The following NUSAP1 variants were observed in gnomAD, a reference collection of about 807,000 sequenced individuals.
The protein encoded by NUSAP1 is nucleolar and spindle associated protein 1, also known as nucleolar and spindle-associated protein 1.
Under a neutral mutation model 52.8 loss-of-function variants are expected in NUSAP1, and 32 were observed. The ratio of observed to expected loss-of-function variants is 0.61; its 90% CI spans 0.46 to 0.81. The LOEUF is 0.81. Ranked by LOEUF, NUSAP1 falls within the 40% of genes least tolerant of loss-of-function variation. NUSAP1 has a pLI of 0.00. For missense variants in NUSAP1, 499 were observed against 522.3 expected (o/e 0.96, Z 0.43); for synonymous variants, 195 against 183.1 (o/e 1.06, Z -0.52).
intron 6 of NUSAP1, 137 bp downstream of exon 6, chr15:41,358,395 A>G (rs2049047319): frequency 1.8e-6 from 1 of 562,854 alleles, no homozygotes; most frequent in Non-Finnish European, 3.2e-6. Context: ...CTTTATCTAA[A>G]ACTTGCTTTC....
Position 41,365,269 on chromosome 15 carries a change from G to A in NUSAP1, c.661-133G>A, listed in dbSNP as rs565240183. Reference sequence around the variant, plus strand: ...CCTCCTGGGTTCAAGTGATTCTCCCGCCTCAGCCTCCTGAGTAGCTGGGAC... The same window carrying A: ...CCTCCTGGGTTCAAGTGATTCTCCCACCTCAGCCTCCTGAGTAGCTGGGAC... On this transcript the variant is annotated intron_variant, in intron 6 of 10. Transcript: ENST00000559596. 2.1e-4 allele frequency: 132 copies of A among 625,302 alleles called. 1 individual carries two copies. Among genetic ancestry groups the A allele is most frequent in the South Asian group, 2.0e-3 (83 of 41,166 alleles). The allele number at this position is 625,302 out of a possible 1,614,324, so 38.7% of individuals were successfully genotyped here. A position where few individuals can be genotyped will look rare whatever the true frequency, so the allele number is the denominator to read the frequency against.
intron 1 of NUSAP1, among the ~76,000 whole-genome samples, chr15:41,339,218 G>A (rs774064458): frequency 6.6e-6 from 1 of 152,110 alleles, no homozygotes; most frequent in African/African-American, 2.4e-5. Context: ...AGAGGATCAT[G>A]TGGGGAAATC....
At chr15:41,351,241 G>T (rs1019191352) in intron 4 of NUSAP1, 112 bp downstream of exon 4, 2 of 1,056,728 alleles carry the variant, frequency 1.9e-6, no homozygotes, top group Non-Finnish European at 2.7e-6. Flanking sequence ...CAACTGGGCA[G>T]CTTAGAACAA....
At chr15:41,375,270 C>T (rs952899632) in intron 8 of NUSAP1, among the ~76,000 whole-genome samples, 10 of 151,330 alleles carry the variant, frequency 6.6e-5, no homozygotes, top group Admixed American at 6.6e-5. Context: ...CTCCGCCTTC[C>T]GGGTTCAAGC....
intron 3 of NUSAP1, 25 bp downstream of exon 3, chr15:41,349,266 A>T: frequency 3.8e-6 from 6 of 1,597,758 alleles, no homozygotes; most frequent in Non-Finnish European, 5.1e-6. Context: ...ACAAACTGAA[A>T]ATAAACCACC....
chr15:41,379,634 T>C (rs1192052678), intron 10 of NUSAP1, among the ~76,000 whole-genome samples: 1 of 152,084 alleles, frequency 6.6e-6, no homozygotes, highest in East Asian at 1.9e-4. Context: ...AACCTCCGCC[T>C]CCCGGGTTCA....
At chr15:41,336,979 C>G (rs1325443389) in intron 1 of NUSAP1, among the ~76,000 whole-genome samples, 2 of 150,946 alleles carry the variant, frequency 1.3e-5, no homozygotes, top group Non-Finnish European at 2.9e-5. Context: ...CAAATCCCCC[C>G]CTTTTTTTCC....
chr15:41,333,858 G>GC, intron 1 of NUSAP1, among the ~76,000 whole-genome samples: 1 of 152,296 alleles, frequency 6.6e-6, no homozygotes, highest in East Asian at 1.9e-4. Context: ...GTGGCAGTGA[G>GC]CCAAGATCGC....
At position 41,358,153 on chromosome 15, in the gene NUSAP1, TAAG is replaced by T; in HGVS notation, c.559_561del (p.Lys187del). The stretch of plus-strand genomic sequence containing the variant: ...TTTTATATTGGAACATTCTAGACTT[TAAG>T]AAGCTTCATGAAGCTCATTTTAAGG... On this transcript the variant is annotated inframe_deletion, in exon 6 of 11. Transcript: ENST00000559596. The T allele has an allele frequency of 7.0e-7, 1 of 1,424,106 alleles. No individual in the cohort carries two copies. The highest frequency in any genetic ancestry group is 9.8e-7 in the Non-Finnish European group (1 of 1,023,968). The allele number at this position is 1,424,106 out of a possible 1,614,324, so 88.2% of individuals were successfully genotyped here.
intron 5 of NUSAP1, among the ~76,000 whole-genome samples, chr15:41,356,354 CTT>C (rs398026995): frequency 4.0e-5 from 5 of 124,640 alleles, no homozygotes; most frequent in Admixed American, 9.0e-5. Flanking sequence ...CTATTTCTTT[CTT>C]TTTTTTTTTT....
At chr15:41,342,334 A>T in intron 1 of NUSAP1, 52 bp from the exon 2 acceptor site, 1 of 1,228,252 alleles carries the variant, frequency 8.1e-7, no homozygotes, top group South Asian at 1.3e-5. Flanking sequence ...TATTCAACGT[A>T]TCTTCCTTGT....
chr15:41,370,749 C>CAA (rs60034914), intron 7 of NUSAP1, among the ~76,000 whole-genome samples: 46 of 70,666 alleles, frequency 6.5e-4, no homozygotes, highest in Non-Finnish European at 8.4e-4. Context: ...AACTCCATCT[C>CAA]AAAAAAAAAA....
At chr15:41,367,772 C>G (rs1219079691) in intron 7 of NUSAP1, among the ~76,000 whole-genome samples, 3 of 152,192 alleles carry the variant, frequency 2.0e-5, no homozygotes, top group African/African-American at 7.2e-5. Flanking sequence ...TTCTTCACAA[C>G]AGGAATCCCC....
In NUSAP1 at chr15:41,342,391, C is replaced by G; in HGVS notation, c.99C>G (p.Thr33=). The change falls in exon 2 of 11, where the codon ACC becomes ACG. Residue 33 remains threonine, a synonymous_variant. Coordinates refer to ENST00000559596, the MANE Select transcript of NUSAP1 (RefSeq NM_016359.5). The part of the protein sequence containing the change: ...SLGLRANLRA[T]KLLKALKGYI... ...TAATAAGGTCTCTCTTGCAGGCAAC[C>G]AAGTTGTTAAAAGCCTTGAAAGGCT... is the stretch of plus-strand genomic sequence containing the variant. 1 of 1,588,024 alleles carries G rather than the reference C, an allele frequency of 6.3e-7. No individual in the cohort carries two copies. Among genetic ancestry groups the G allele is most frequent in the Non-Finnish European group, 8.6e-7 (1 of 1,164,958 alleles).
chr15:41,343,742 C>T (rs1266157218), intron 2 of NUSAP1, among the ~76,000 whole-genome samples: 1 of 151,908 alleles, frequency 6.6e-6, no homozygotes, highest in African/African-American at 2.4e-5. Flanking sequence ...CTACCTGCCT[C>T]AGCCTCCCAA....
intron 1 of NUSAP1, among the ~76,000 whole-genome samples, chr15:41,335,788 A>G (rs1474402364): frequency 2.1e-5 from 3 of 145,938 alleles, no homozygotes; most frequent in Admixed American, 6.9e-5. Flanking sequence ...ATACTAATAT[A>G]CTATATTATA....
At chr15:41,353,468 C>T (rs1437957607) in intron 4 of NUSAP1, among the ~76,000 whole-genome samples, 1 of 152,144 alleles carries the variant, frequency 6.6e-6, no homozygotes, top group African/African-American at 2.4e-5. Context: ...ATGAAACTTT[C>T]ACCTTCTGGT....
At chr15:41,349,545 A>C (rs964204434) in intron 3 of NUSAP1, 2 of 242,778 alleles carry the variant, frequency 8.2e-6, no homozygotes, top group East Asian at 8.4e-5. Context: ...ACAAGCATTA[A>C]ATGTGTTTTT....
intron 3 of NUSAP1, among the ~76,000 whole-genome samples, chr15:41,350,213 A>T (rs1432831031): frequency 2.0e-5 from 3 of 152,216 alleles, no homozygotes; most frequent in Non-Finnish European, 2.9e-5. Context: ...TGAGCCTTGA[A>T]CAAAGACTGA....
Sources: gnomAD v4.1 joint callset for allele counts (sites outside exome capture counted in the v4.1 genomes callset) on GRCh38, gnomAD v4.1.1 for gene constraint, MANE v1.5 for transcripts, NCBI Gene and HGNC (gene_info 2026-07-23, HGNC 2026-07-21) for gene names.